The following PPFIBP1 variants were observed in gnomAD, a reference collection of about 807,000 sequenced individuals.
The protein encoded by PPFIBP1 is liprin-beta-1.
Under a neutral mutation model 137.8 loss-of-function variants are expected in PPFIBP1, and 112 were observed. The observed-to-expected ratio is 0.81, with a 90% CI of 0.70 to 0.95. The LOEUF (loss-of-function observed/expected upper bound fraction) is 0.95. Among genes scored for constraint, PPFIBP1 ranks in the 40% least tolerant of loss-of-function variants. The probability of loss-of-function intolerance (pLI) is 0.00; values close to 1 mark genes in which losing one functional copy is unlikely to be tolerated. For synonymous variants in PPFIBP1, 378 were observed against 417.3 expected (o/e 0.91, Z 1.15); for missense variants, 1,083 against 1,196.6 (o/e 0.91, Z 1.40).
intron 2 of PPFIBP1, among the ~76,000 whole-genome samples, chr12:27,594,229 G>C (rs2052913641): frequency 1.4e-5 from 2 of 142,260 alleles, no homozygotes; most frequent in Admixed American, 1.5e-4. Flanking sequence ...CCAGGCTGGA[G>C]TGCAGTGGTG....
chr12:27,571,711 GA>G (rs550094500), intron 1 of PPFIBP1, among the ~76,000 whole-genome samples: 1 of 152,162 alleles, frequency 6.6e-6, no homozygotes, highest in South Asian at 2.1e-4. Context: ...CCAGTGGGCT[GA>G]AGTCATTGTT....
At chr12:27,604,806 A>G (rs2054348921) in intron 2 of PPFIBP1, among the ~76,000 whole-genome samples, 1 of 152,236 alleles carries the variant, frequency 6.6e-6, no homozygotes, top group Admixed American at 6.5e-5. Context: ...GGAAATTTAC[A>G]AAAGGAATAG....
chr12:27,672,528 A>G (rs1263328984), intron 15 of PPFIBP1, 45 bp downstream of exon 15: 5 of 1,413,356 alleles, frequency 3.5e-6, no homozygotes, highest in Non-Finnish European at 4.0e-6. Flanking sequence ...TTGAGGCTAG[A>G]GAAAGAGAGT....
chr12:27,542,175 A>C (rs1945743787), intron 1 of PPFIBP1, among the ~76,000 whole-genome samples: 1 of 152,184 alleles, frequency 6.6e-6, no homozygotes, highest in African/African-American at 2.4e-5. Context: ...TAACCATACA[A>C]CAATAAAAAT....
At chr12:27,551,352 G>A (rs760938886) in intron 1 of PPFIBP1, among the ~76,000 whole-genome samples, 2 of 152,082 alleles carry the variant, frequency 1.3e-5, no homozygotes, top group Non-Finnish European at 2.9e-5. Context: ...AAATAATCAT[G>A]GTTGCCCTAT....
intron 1 of PPFIBP1, among the ~76,000 whole-genome samples, chr12:27,559,054 TG>T (rs2136337016): frequency 1.3e-5 from 2 of 152,228 alleles, no homozygotes; most frequent in South Asian, 4.1e-4. Context: ...TTTGTAGAAA[TG>T]GGGCCTCACT....
intron 1 of PPFIBP1, among the ~76,000 whole-genome samples, chr12:27,532,604 G>A (rs1169525492): frequency 6.6e-6 from 1 of 152,108 alleles, no homozygotes; most frequent in Non-Finnish European, 1.5e-5. Context: ...AGTCACCAGA[G>A]CAAAGGAAGA....
intron 4 of PPFIBP1, 42 bp from the exon 5 acceptor site, chr12:27,646,019 TC>T (rs1281943181): frequency 7.2e-7 from 1 of 1,384,694 alleles, no homozygotes; most frequent in Non-Finnish European, 1.0e-6. Context: ...GATATATCAT[TC>T]TTAGAGAAGA....
intron 1 of PPFIBP1, among the ~76,000 whole-genome samples, chr12:27,559,129 A>G (rs1399565077): frequency 6.6e-6 from 1 of 151,478 alleles, no homozygotes. Flanking sequence ...TAGCCTTCCA[A>G]AGTGCTGGGT....
intron 1 of PPFIBP1, among the ~76,000 whole-genome samples, chr12:27,574,692 G>A (rs1217706028): frequency 6.6e-6 from 1 of 152,140 alleles, no homozygotes; most frequent in African/African-American, 2.4e-5. Context: ...TTTATAAAAT[G>A]GAAAGTATTA....
chr12:27,585,897 G>A (rs2051689686), intron 2 of PPFIBP1, among the ~76,000 whole-genome samples: 1 of 152,166 alleles, frequency 6.6e-6, no homozygotes, highest in Admixed American at 6.5e-5. Context: ...AGGTTCTGGA[G>A]TGTGAGGGGC....
chr12:27,628,353 A>AT (rs1422243631), intron 2 of PPFIBP1, among the ~76,000 whole-genome samples: 3 of 151,958 alleles, frequency 2.0e-5, no homozygotes, highest in African/African-American at 4.8e-5. Flanking sequence ...ATTTTGTACA[A>AT]TTTTTTGTAG....
chr12:27,574,272 T>C (rs2050381519), intron 1 of PPFIBP1, among the ~76,000 whole-genome samples: 1 of 152,124 alleles, frequency 6.6e-6, no homozygotes, highest in Non-Finnish European at 1.5e-5. Context: ...GAACAATCTT[T>C]CCGTAAAGTC....
At position 27,655,179 on chromosome 12, in the gene PPFIBP1, G is replaced by C. The variant is rs1165932796; in HGVS notation, c.696+365G>C. 4 of 1,535,730 alleles carry C rather than the reference G, an allele frequency of 2.6e-6. No homozygotes were observed. In the Admixed American group the frequency reaches 7.8e-5, roughly 30 times the overall value. On this transcript the variant is annotated intron_variant, in intron 8 of 29. Coordinates refer to ENST00000228425, the MANE Select transcript of PPFIBP1 (RefSeq NM_003622.4). ...CAAACTTTCTAGCATGAAAATCAAG[G>C]TGGGTCAGATGCAGTATGAAAAGCA...
intron 2 of PPFIBP1, among the ~76,000 whole-genome samples, chr12:27,591,323 A>G (rs1290231865): frequency 1.3e-5 from 2 of 152,068 alleles, no homozygotes; most frequent in Non-Finnish European, 1.5e-5. Flanking sequence ...TGATTGAATG[A>G]GGAGGATGGT....
chr12:27,562,441 C>G (rs539263743), intron 1 of PPFIBP1, among the ~76,000 whole-genome samples: 2 of 152,264 alleles, frequency 1.3e-5, no homozygotes, highest in African/African-American at 4.8e-5. Context: ...AGATTTTTGA[C>G]AGTATAAATT....
At chr12:27,641,440 A>G (rs2058098167) in intron 4 of PPFIBP1, among the ~76,000 whole-genome samples, 1 of 152,230 alleles carries the variant, frequency 6.6e-6, no homozygotes. Context: ...AAGTAAAAAC[A>G]GTGGGTGAGA....
chr12:27,658,873 G>A (rs745348035), intron 10 of PPFIBP1, 25 bp downstream of exon 10: 6 of 1,601,878 alleles, frequency 3.7e-6, no homozygotes, highest in Non-Finnish European at 5.1e-6. Context: ...ATTTCCATCA[G>A]CCTTTACATT....
chr12:27,673,717 C>T, intron 15 of PPFIBP1, 50 bp from the exon 16 acceptor site: 2 of 1,460,670 alleles, frequency 1.4e-6, no homozygotes, highest in Non-Finnish European at 9.5e-7. Flanking sequence ...TACTTAGAAA[C>T]AGTGGCACTG....
Sources: allele counts gnomAD v4.1 joint callset (sites outside exome capture counted in the v4.1 genomes callset), GRCh38; gene constraint gnomAD v4.1.1; transcripts MANE v1.5; gene names NCBI Gene and HGNC (gene_info 2026-07-23, HGNC 2026-07-21).